PARD3B: variants seen among roughly 807,000 people sequenced by gnomAD.
The protein encoded by PARD3B is par-3 family cell polarity regulator beta, also known as partitioning defective 3 homolog B.
In PARD3B, 103 loss-of-function variants were observed where a neutral mutation model predicts 130.2. That is an observed-to-expected ratio of 0.79 (90% CI 0.67 to 0.93). PARD3B has a LOEUF of 0.93. Ranked by LOEUF, PARD3B falls within the 40% of genes least tolerant of loss-of-function variation. The pLI, the probability that PARD3B is intolerant of heterozygous loss-of-function variation, is 0.00. For missense variants in PARD3B, 1,609 were observed against 1,499.2 expected, an observed-to-expected ratio of 1.07 and a Z score of -1.21; for synonymous variants, 583 against 553.2, an observed-to-expected ratio of 1.05 and a Z score of -0.76.
At chr2:205,058,361 T>C (rs1187091848) in intron 4 of PARD3B, among the ~76,000 whole-genome samples, 1 of 152,016 alleles carries the variant, frequency 6.6e-6, no homozygotes, top group Non-Finnish European at 1.5e-5. Context: ...CTTGAGTTGC[T>C]TCCACATTTT....
Position 204,689,136 on chromosome 2 carries a change from T to A in PARD3B, c.222+2854T>A, listed in dbSNP as rs906828494. Among the ~76,000 whole-genome samples the A allele has an allele frequency of 6.6e-6, 1 of 152,172 alleles. No individual in the cohort carries two copies. ...AGGTTAAATGATATTGTACTTCAAA[T>A]TAGAGAAGGCTCTAACAAAGTTCAG... On this transcript the variant is annotated intron_variant, in intron 2 of 22. Coordinates refer to ENST00000406610, the MANE Select transcript of PARD3B (RefSeq NM_001302769.2). The surrounding 1 kb of genome is among the most constrained non-coding windows in gnomAD (Gnocchi z 5.2).
chr2:205,467,073 C>G (rs1048180679), intron 20 of PARD3B, among the ~76,000 whole-genome samples: 2 of 152,234 alleles, frequency 1.3e-5, no homozygotes, highest in African/African-American at 4.8e-5. Context: ...AGTATATCAT[C>G]TCCATTGATC....
chr2:205,108,595 C>T (rs1054787075), intron 5 of PARD3B, among the ~76,000 whole-genome samples: 9 of 152,090 alleles, frequency 5.9e-5, no homozygotes, highest in Non-Finnish European at 1.3e-4. Context: ...GACTTTCTCT[C>T]CTGTGCATGC....
intron 1 of PARD3B, among the ~76,000 whole-genome samples, chr2:204,595,930 C>CT (rs951575813): frequency 1.3e-5 from 2 of 152,164 alleles, no homozygotes; most frequent in African/African-American, 4.8e-5. Context: ...CAGCAAACTT[C>CT]TTTTTTTGAG....
At chr2:204,854,960 G>C (rs554562129) in intron 2 of PARD3B, among the ~76,000 whole-genome samples, 1 of 152,200 alleles carries the variant, frequency 6.6e-6, no homozygotes, top group East Asian at 1.9e-4. Context: ...AGGACCAGTG[G>C]GCGGTGGATG....
intron 15 of PARD3B, among the ~76,000 whole-genome samples, chr2:205,209,705 A>C (rs2037518241): frequency 6.6e-6 from 1 of 151,972 alleles, no homozygotes; most frequent in African/African-American, 2.4e-5. Context: ...TGTTATTGGC[A>C]ATACTTTATG....
intron 2 of PARD3B, among the ~76,000 whole-genome samples, chr2:204,833,761 T>C (rs2043922374): frequency 6.6e-6 from 1 of 152,108 alleles, no homozygotes; most frequent in Non-Finnish European, 1.5e-5. Context: ...TTAGATCTCT[T>C]TTTCTTTATA....
At chr2:204,863,384 T>G (rs2045290133) in intron 2 of PARD3B, among the ~76,000 whole-genome samples, 1 of 152,164 alleles carries the variant, frequency 6.6e-6, no homozygotes, top group Admixed American at 6.5e-5. Context: ...CCCCTGTGGT[T>G]TGAGACCCCC....
At position 205,266,399 on chromosome 2, in the gene PARD3B, C is replaced by T. The variant is rs114712260; in HGVS notation, c.2185+20577C>T. Among the ~76,000 whole-genome samples, 1,135 of 152,200 alleles carry T rather than the reference C, an allele frequency of 7.5e-3. 18 individuals carry two copies. The highest frequency in any genetic ancestry group is 0.026 in the African/African-American group (1,070 of 41,540). Reference sequence around the variant, plus strand: ...ATGAAAATGAATTCTGTTTTCTAAGCTCCTAACTCCATGCAAACATTATAG... The same window carrying T: ...ATGAAAATGAATTCTGTTTTCTAAGTTCCTAACTCCATGCAAACATTATAG... On this transcript the variant is annotated intron_variant, in intron 16 of 22. Coordinates refer to ENST00000406610, the MANE Select transcript of PARD3B (RefSeq NM_001302769.2).
intron 2 of PARD3B, among the ~76,000 whole-genome samples, chr2:204,925,901 AG>A (rs142933042): frequency 0.028 from 4,305 of 152,068 alleles, 163 homozygotes; most frequent in East Asian, 0.17. Flanking sequence ...TGGTTTTATA[AG>A]GGGCTCTTCT....
rs2106549826 is a variant in PARD3B at position 205,572,173 on chromosome 2, GTTC to G, written c.3260+18773_3260+18775del. 6.6e-6 allele frequency among the ~76,000 whole-genome samples: 1 copy of G among 152,278 alleles called. No homozygotes were observed. The highest frequency in any genetic ancestry group is 2.4e-5 in the African/African-American group (1 of 41,546). On this transcript the variant is annotated intron_variant, in intron 22 of 22. Coordinates refer to ENST00000406610, the MANE Select transcript of PARD3B (RefSeq NM_001302769.2). This position sits in a 1 kb window ranked among gnomAD's most constrained non-coding sequence, Gnocchi z 4.2. ...AGGAAGTATTCTTCCATAAAACACAGTTCTTATCTCTAGGGATTTTCAGTCTCT... is the reference window on the plus strand; with the variant it reads ...AGGAAGTATTCTTCCATAAAACACAGTTATCTCTAGGGATTTTCAGTCTCT...
intron 22 of PARD3B, among the ~76,000 whole-genome samples, chr2:205,582,031 C>A (rs1362364503): frequency 2.6e-5 from 4 of 152,154 alleles, no homozygotes; most frequent in African/African-American, 9.7e-5. Flanking sequence ...CAACCCAAAT[C>A]CATCCCTCAT....
At chr2:204,812,267 G>A (rs1575046673) in intron 2 of PARD3B, among the ~76,000 whole-genome samples, 2 of 152,242 alleles carry the variant, frequency 1.3e-5, no homozygotes, top group Non-Finnish European at 2.9e-5. Context: ...CCATATGTTA[G>A]CAACGGTGAA....
intron 21 of PARD3B, among the ~76,000 whole-genome samples, chr2:205,538,328 A>G (rs1216252594): frequency 6.6e-6 from 1 of 152,200 alleles, no homozygotes; most frequent in Non-Finnish European, 1.5e-5. Context: ...AGGAAATGTG[A>G]GAGTTTACAG....
At chr2:205,020,779 G>A (rs1696534416) in intron 3 of PARD3B, among the ~76,000 whole-genome samples, 1 of 152,118 alleles carries the variant, frequency 6.6e-6, no homozygotes, top group Admixed American at 6.5e-5. Flanking sequence ...ATCCTGTTGA[G>A]TTGTCCTCAA....
intron 3 of PARD3B, among the ~76,000 whole-genome samples, chr2:205,022,819 C>T (rs76417775): frequency 7.0e-4 from 106 of 152,274 alleles, no homozygotes; most frequent in African/African-American, 2.4e-3. Flanking sequence ...CTCCACAGGT[C>T]GACTAGGCTG....
intron 2 of PARD3B, among the ~76,000 whole-genome samples, chr2:204,706,944 G>A (rs533604319): frequency 2.0e-5 from 3 of 152,242 alleles, no homozygotes; most frequent in South Asian, 2.1e-4. Flanking sequence ...AAGAAAACAC[G>A]CTTGGATATT....
At chr2:205,041,884 C>T (rs1203035306) in intron 3 of PARD3B, among the ~76,000 whole-genome samples, 1 of 152,052 alleles carries the variant, frequency 6.6e-6, no homozygotes, top group African/African-American at 2.4e-5. Flanking sequence ...GTTTCAATCT[C>T]TATAACTGCC....
chr2:205,481,089 G>A (rs1418291895), intron 20 of PARD3B, among the ~76,000 whole-genome samples: 3 of 152,260 alleles, frequency 2.0e-5, no homozygotes, highest in African/African-American at 4.8e-5. Flanking sequence ...GTTCAGTGAC[G>A]GGAGGGCCAT....
Sources: gnomAD v4.1 joint callset for allele counts (sites outside exome capture counted in the v4.1 genomes callset) on GRCh38, gnomAD v4.1.1 for gene constraint, Gnocchi (gnomAD v3.1) non-coding constraint, MANE v1.5 for transcripts, NCBI Gene and HGNC (gene_info 2026-07-23, HGNC 2026-07-21) for gene names.